NRG2: variants seen among roughly 807,000 people sequenced by gnomAD.
NRG2 encodes neuregulin 2.
A neutral mutation model predicts 73.9 loss-of-function variants in NRG2; 27 were observed. The observed-to-expected ratio is 0.37, with a 90% CI of 0.27 to 0.50. The LOEUF (loss-of-function observed/expected upper bound fraction) is 0.50, where lower values mean the gene tolerates loss of function less well. Ranked by LOEUF, NRG2 falls within the 20% of genes least tolerant of loss-of-function variation. The probability of loss-of-function intolerance (pLI) is 0.96; values close to 1 mark genes in which losing one functional copy is unlikely to be tolerated. For missense variants in NRG2, 1,126 were observed against 1,210.1 expected (o/e 0.93, Z 1.03); for synonymous variants, 532 against 541.0 (o/e 0.98, Z 0.23).
chr5:140,003,559 A>G (rs916537118), intron 1 of NRG2, among the ~76,000 whole-genome samples: 4 of 152,166 alleles, frequency 2.6e-5, no homozygotes, highest in African/African-American at 9.7e-5. Flanking sequence ...AAATTCTCCC[A>G]TAGAGCCTCC....
chr5:139,988,726 A>G (rs1017766194), intron 1 of NRG2, among the ~76,000 whole-genome samples: 2 of 151,998 alleles, frequency 1.3e-5, no homozygotes, highest in African/African-American at 4.8e-5. Context: ...CCTTATACAC[A>G]TGTCCAAACC....
chr5:139,898,668 G>A lies in NRG2; in HGVS notation c.701-11157C>T, dbSNP rs866091724. On this transcript the variant is annotated intron_variant, in intron 1 of 9. Transcript: ENST00000361474. The stretch of plus-strand genomic sequence containing the variant: ...TACTGCAGGAGCTCCTGACTGTGCC[G>A]TCCCTTTTCCCATCCTTTCACAAAG... Among the ~76,000 whole-genome samples, 10 of 152,292 alleles carry A rather than the reference G, an allele frequency of 6.6e-5. 1 individual carries two copies. The highest frequency in any genetic ancestry group is 4.6e-4 in the Admixed American group (7 of 15,294).
chr5:139,924,051 C>T (rs1751869590), intron 1 of NRG2, among the ~76,000 whole-genome samples: 1 of 152,208 alleles, frequency 6.6e-6, no homozygotes, highest in Non-Finnish European at 1.5e-5. Context: ...GAGAAGATAG[C>T]AGGCAAACCT....
intron 4 of NRG2, among the ~76,000 whole-genome samples, chr5:139,866,263 A>T (rs1481172470): frequency 6.6e-6 from 1 of 152,198 alleles, no homozygotes; most frequent in Admixed American, 6.5e-5. Flanking sequence ...GTAGAGTTGC[A>T]GTGTACCTTC....
At chr5:140,010,808 T>A (rs969193509) in intron 1 of NRG2, among the ~76,000 whole-genome samples, 3 of 152,232 alleles carry the variant, frequency 2.0e-5, no homozygotes, top group Admixed American at 6.5e-5. Flanking sequence ...GAACCCTCAG[T>A]GATCCAGGTG....
chr5:139,941,139 G>C (rs894595475), intron 1 of NRG2, among the ~76,000 whole-genome samples: 3 of 152,178 alleles, frequency 2.0e-5, no homozygotes, highest in Non-Finnish European at 4.4e-5. Context: ...ATATGAGACT[G>C]ATGGGGGCTG....
intron 1 of NRG2, among the ~76,000 whole-genome samples, chr5:140,003,788 C>CA (rs1457877567): frequency 6.6e-6 from 1 of 152,100 alleles, no homozygotes; most frequent in Non-Finnish European, 1.5e-5. Flanking sequence ...TCTCCTAATT[C>CA]AAAAAACAGC....
At chr5:139,972,196 TG>T (rs1756024591) in intron 1 of NRG2, among the ~76,000 whole-genome samples, 1 of 152,148 alleles carries the variant, frequency 6.6e-6, no homozygotes, top group African/African-American at 2.4e-5. Context: ...TGTCCAACAA[TG>T]ATACTGGAAT....
Position 139,938,640 on chromosome 5 carries a change from AGC to A in NRG2, c.701-51131_701-51130del, listed in dbSNP as rs1202017557. 2.0e-5 allele frequency among the ~76,000 whole-genome samples: 3 copies of A among 152,204 alleles called. No individual in the cohort carries two copies. In the East Asian group the frequency reaches 5.8e-4, roughly 29 times the overall value. ...TTGGCTGCCCAGAATTACAGGCTCA[AGC>A]CACCATGTACAGCCTCAAGATATAT... On this transcript the variant is annotated intron_variant, in intron 1 of 9. Transcript: ENST00000361474.
chr5:139,986,851 A>C (rs1255783386), intron 1 of NRG2, among the ~76,000 whole-genome samples: 5 of 152,192 alleles, frequency 3.3e-5, no homozygotes. Flanking sequence ...ATTGGACAGC[A>C]CAGCTTTAGA....
chr5:139,973,028 C>T (rs1364213444), intron 1 of NRG2, among the ~76,000 whole-genome samples: 1 of 151,702 alleles, frequency 6.6e-6, no homozygotes, highest in Non-Finnish European at 1.5e-5. Context: ...TAGTCACATA[C>T]TGGTAGTGAA....
At chr5:139,883,454 G>C (rs1011050540) in intron 2 of NRG2, among the ~76,000 whole-genome samples, 1 of 152,138 alleles carries the variant, frequency 6.6e-6, no homozygotes, top group Non-Finnish European at 1.5e-5. Context: ...GCACAGGAAG[G>C]CTTGGGTGAG....
Position 139,904,424 on chromosome 5 carries a change from C to A in NRG2, c.701-16913G>T. Reference sequence around the variant, plus strand: ...CTGCACGGGGTCCCAGGCGGTGGGACGGCCTCAGCTCTCCGCTGCCGCGCT... The same window carrying A: ...CTGCACGGGGTCCCAGGCGGTGGGAAGGCCTCAGCTCTCCGCTGCCGCGCT... On this transcript the variant is annotated intron_variant, in intron 1 of 9. Transcript: ENST00000361474. This position sits in a 1 kb window ranked among gnomAD's most constrained non-coding sequence, Gnocchi z 6.0. 3 of 1,379,202 alleles carry A rather than the reference C, an allele frequency of 2.2e-6. No individual in the cohort carries two copies. Among genetic ancestry groups the A allele is most frequent in the Non-Finnish European group, 3.0e-6 (3 of 995,664 alleles). 85.4% of individuals were successfully genotyped at this position (1,379,202 alleles called of 1,614,324 possible).
In NRG2 at chr5:140,013,279, C is replaced by T. The variant is rs141282780; in HGVS notation, c.700+29091G>A. ...CTCTACTTGTGTGCCAGATCCCACTCTTCTACTCTAAGAAAGCATTTAGAC... is the reference window on the plus strand; with the variant it reads ...CTCTACTTGTGTGCCAGATCCCACTTTTCTACTCTAAGAAAGCATTTAGAC... On this transcript the variant is annotated intron_variant, in intron 1 of 9. Coordinates refer to ENST00000361474, the MANE Select transcript of NRG2 (RefSeq NM_004883.3). Among the ~76,000 whole-genome samples the T allele has an allele frequency of 3.4e-3, 511 of 152,330 alleles. 2 individuals carry two copies. Among genetic ancestry groups the T allele is most frequent in the Non-Finnish European group, 5.5e-3 (374 of 68,032 alleles).
intron 1 of NRG2, among the ~76,000 whole-genome samples, chr5:139,982,633 G>A (rs1445788300): frequency 3.9e-5 from 6 of 152,218 alleles, no homozygotes; most frequent in African/African-American, 1.2e-4. Flanking sequence ...CCGGTTCTTT[G>A]AGAGTTGGAA....
rs117671894 is a variant in NRG2, at chr5:139,912,431, T to C, written c.701-24920A>G. On this transcript the variant is annotated intron_variant, in intron 1 of 9. Transcript: ENST00000361474. Reference sequence around the variant, plus strand: ...AACTTCCCTGGCCTGGTCTGGGTACTGGTTCCCAAGCCAGACTTAGCCCTT... The same window carrying C: ...AACTTCCCTGGCCTGGTCTGGGTACCGGTTCCCAAGCCAGACTTAGCCCTT... Among the ~76,000 whole-genome samples the C allele has an allele frequency of 8.5e-5, 13 of 152,276 alleles. No individual in the cohort carries two copies. In the East Asian group the frequency reaches 2.5e-3, roughly 29 times the overall value.
chr5:139,890,221 G>C (rs1313097401), intron 1 of NRG2, among the ~76,000 whole-genome samples: 1 of 152,034 alleles, frequency 6.6e-6, no homozygotes, highest in African/African-American at 2.4e-5. Flanking sequence ...GCATTTATTT[G>C]ATTACTGATG....
At chr5:139,982,157 T>G (rs1756851554) in intron 1 of NRG2, among the ~76,000 whole-genome samples, 1 of 152,132 alleles carries the variant, frequency 6.6e-6, no homozygotes, top group African/African-American at 2.4e-5. Flanking sequence ...TTCTTTCTAC[T>G]CCCTGTTTTC....
intron 1 of NRG2, among the ~76,000 whole-genome samples, chr5:139,960,233 G>T (rs1412036440): frequency 6.6e-6 from 1 of 152,120 alleles, no homozygotes; most frequent in Non-Finnish European, 1.5e-5. Flanking sequence ...TATGGCATCG[G>T]GCCAGGCCCA....
Sources: gnomAD v4.1 joint callset for allele counts (sites outside exome capture counted in the v4.1 genomes callset) on GRCh38, gnomAD v4.1.1 for gene constraint, Gnocchi (gnomAD v3.1) non-coding constraint, MANE v1.5 for transcripts, NCBI Gene and HGNC (gene_info 2026-07-23, HGNC 2026-07-21) for gene names.